The following STK24 variants were observed in gnomAD, a reference collection of about 807,000 sequenced individuals.
The protein encoded by STK24 is serine/threonine kinase 24, also known as serine/threonine-protein kinase 24.
In STK24, 21 loss-of-function variants were observed where a neutral mutation model predicts 55.6. The observed-to-expected ratio is 0.38, with a 90% CI of 0.27 to 0.54. The LOEUF (loss-of-function observed/expected upper bound fraction) is 0.54. Ranked by LOEUF, STK24 falls within the 20% of genes least tolerant of loss-of-function variation. STK24 has a pLI of 0.79. For synonymous variants in STK24, 200 were observed against 215.2 expected, an observed-to-expected ratio of 0.93 and a Z score of 0.62; for missense variants, 383 against 538.4, an observed-to-expected ratio of 0.71 and a Z score of 2.86.
At chr13:98,557,231 T>C (rs938989813) in intron 1 of STK24, among the ~76,000 whole-genome samples, 7 of 152,314 alleles carry the variant, frequency 4.6e-5, no homozygotes, top group Non-Finnish European at 2.9e-5. Context: ...ACCTAATTAA[T>C]CAGTCACCAG....
At position 98,475,246 on chromosome 13, in the gene STK24, T is replaced by C; in HGVS notation, c.439+4A>G. The C allele has an allele frequency of 6.2e-7, 1 of 1,603,066 alleles. No individual in the cohort carries two copies. The highest frequency in any genetic ancestry group is 8.5e-7 in the Non-Finnish European group (1 of 1,172,902). ...CAAAGGAATGAAAACGGATGTCCTCTTACCTTTAATGTCTCTGTGGATTTT... is the reference window on the plus strand; with the variant it reads ...CAAAGGAATGAAAACGGATGTCCTCCTACCTTTAATGTCTCTGTGGATTTT... On this transcript the variant is annotated splice_donor_region_variant and intron_variant, in intron 4 of 10. Coordinates refer to ENST00000539966, the MANE Select transcript of STK24 (RefSeq NM_001032296.4).
chr13:98,567,353 C>T (rs1378726152), intron 1 of STK24, among the ~76,000 whole-genome samples: 1 of 152,220 alleles, frequency 6.6e-6, no homozygotes, highest in East Asian at 1.9e-4. Flanking sequence ...ACGGAACATA[C>T]GACCAGACTG....
intron 1 of STK24, among the ~76,000 whole-genome samples, chr13:98,558,011 C>A (rs546999755): frequency 6.6e-6 from 1 of 152,084 alleles, no homozygotes; most frequent in Non-Finnish European, 1.5e-5. Context: ...TACTTAATTA[C>A]CCCCTCCTCT....
At chr13:98,559,002 TA>T (rs60756124) in intron 1 of STK24, among the ~76,000 whole-genome samples, 3,653 of 43,000 alleles carry the variant, frequency 0.085, 105 homozygotes, top group African/African-American at 0.13. Context: ...CTGTCTCTAC[TA>T]AAAAAAAAAA....
chr13:98,559,542 T>C (rs901051931), intron 1 of STK24, among the ~76,000 whole-genome samples: 8 of 152,160 alleles, frequency 5.3e-5, no homozygotes, highest in Non-Finnish European at 1.2e-4. Flanking sequence ...TTCATAGCAG[T>C]ATGAAAATGG....
chr13:98,542,942 G>A (rs1178880882), intron 1 of STK24: 3 of 985,246 alleles, frequency 3.0e-6, no homozygotes, highest in Non-Finnish European at 3.6e-6. Flanking sequence ...TTGTGGAGAC[G>A]ATGGGACGGA....
At chr13:98,564,471 C>T (rs947350898) in intron 1 of STK24, among the ~76,000 whole-genome samples, 1 of 152,198 alleles carries the variant, frequency 6.6e-6, no homozygotes, top group Non-Finnish European at 1.5e-5. Context: ...GGCCCAGGAA[C>T]AGGCACTGAG....
chr13:98,572,997 T>C (rs1377700593), intron 1 of STK24, among the ~76,000 whole-genome samples: 1 of 152,144 alleles, frequency 6.6e-6, no homozygotes, highest in Non-Finnish European at 1.5e-5. Flanking sequence ...CTCCAAAATA[T>C]GAAACTTTTC....
intron 2 of STK24, among the ~76,000 whole-genome samples, chr13:98,503,567 T>C (rs1191382493): frequency 6.6e-6 from 1 of 152,166 alleles, no homozygotes; most frequent in African/African-American, 2.4e-5. Flanking sequence ...CAGCTTCACG[T>C]TCCCCTTGGA....
chr13:98,549,700 C>G (rs1294241624), intron 1 of STK24, among the ~76,000 whole-genome samples: 2 of 152,204 alleles, frequency 1.3e-5, no homozygotes, highest in Non-Finnish European at 1.5e-5. Context: ...TACCATGCTT[C>G]CTGTACAGCC....
chr13:98,575,686 T>C (rs1477646431), intron 1 of STK24, among the ~76,000 whole-genome samples: 1 of 152,140 alleles, frequency 6.6e-6, no homozygotes, highest in Admixed American at 6.5e-5. Context: ...CAACCAGTAA[T>C]CTACTTGGAT....
chr13:98,561,918 A>C (rs995854360), intron 1 of STK24, among the ~76,000 whole-genome samples: 14 of 144,490 alleles, frequency 9.7e-5, no homozygotes, highest in African/African-American at 3.6e-4. Flanking sequence ...TGGAGGTTGC[A>C]GTGAGCCGAG....
chr13:98,536,803 C>T (rs1350620003), intron 1 of STK24, among the ~76,000 whole-genome samples: 2 of 152,084 alleles, frequency 1.3e-5, no homozygotes, highest in African/African-American at 2.4e-5. Flanking sequence ...GAACCAGAAA[C>T]ACATACCCTG....
intron 5 of STK24, among the ~76,000 whole-genome samples, chr13:98,474,413 T>A (rs1383332823): frequency 6.6e-6 from 1 of 152,128 alleles, no homozygotes; most frequent in Admixed American, 6.5e-5. Context: ...TACAGGCCCC[T>A]TCAAGGTTGC....
At chr13:98,467,961 C>A (rs565387377) in intron 5 of STK24, among the ~76,000 whole-genome samples, 4 of 152,316 alleles carry the variant, frequency 2.6e-5, no homozygotes, top group African/African-American at 9.6e-5. Context: ...TACAGCTTTC[C>A]TGCTGTTCTC....
chr13:98,561,977 CAAAAAAAAAA>C (rs10564690), intron 1 of STK24, among the ~76,000 whole-genome samples: 3 of 53,620 alleles, frequency 5.6e-5, no homozygotes, highest in South Asian at 7.0e-4. Context: ...GACTCCGTCT[CAAAAAAAAAA>C]AAAAAAAAAA....
At chr13:98,479,904 A>G (rs1281625928) in intron 3 of STK24, among the ~76,000 whole-genome samples, 1 of 152,142 alleles carries the variant, frequency 6.6e-6, no homozygotes, top group Non-Finnish European at 1.5e-5. Flanking sequence ...AGAGGTTGGT[A>G]GAGGACACTG....
chr13:98,574,434 G>T (rs1897824771), intron 1 of STK24, among the ~76,000 whole-genome samples: 1 of 152,188 alleles, frequency 6.6e-6, no homozygotes, highest in Non-Finnish European at 1.5e-5. Context: ...GAAAGCAGGT[G>T]TGTTTTTAAT....
At chr13:98,482,155 T>A in intron 3 of STK24, 110 bp downstream of exon 3, 1 of 561,784 alleles carries the variant, frequency 1.8e-6, no homozygotes, top group Non-Finnish European at 3.0e-6. Context: ...CCTTTTTTAA[T>A]GCAACTTGAA....
Sources: gnomAD v4.1 joint callset for allele counts (sites outside exome capture counted in the v4.1 genomes callset) on GRCh38, gnomAD v4.1.1 for gene constraint, MANE v1.5 for transcripts, NCBI Gene and HGNC (gene_info 2026-07-23, HGNC 2026-07-21) for gene names.